AGBL1: variants seen among roughly 807,000 people sequenced by gnomAD.
The protein encoded by AGBL1 is cytosolic carboxypeptidase 4.
AGBL1 carries 130 observed loss-of-function variants against 118.9 expected under a neutral mutation model. The observed-to-expected ratio is 1.09, with a 90% CI of 0.95 to 1.26. The LOEUF (loss-of-function observed/expected upper bound fraction) is 1.26. AGBL1 is among the 50% of genes most tolerant of loss of function. The probability of loss-of-function intolerance (pLI) is 0.00; values close to 1 mark genes in which losing one functional copy is unlikely to be tolerated. For synonymous variants in AGBL1, 555 were observed against 478.9 expected, an observed-to-expected ratio of 1.16 and a Z score of -2.08; for missense variants, 1,584 against 1,298.1, an observed-to-expected ratio of 1.22 and a Z score of -3.38.
intron 1 of AGBL1, among the ~76,000 whole-genome samples, chr15:86,090,293 G>C (rs1463404413): frequency 1.3e-5 from 2 of 151,884 alleles, no homozygotes; most frequent in Non-Finnish European, 2.9e-5. Context: ...TTCTGTAAAG[G>C]TAATACCTGT....
intron 24 of AGBL1, among the ~76,000 whole-genome samples, chr15:87,013,181 T>C (rs879272043): frequency 3.9e-5 from 6 of 152,190 alleles, no homozygotes; most frequent in African/African-American, 7.2e-5. Context: ...TCAACAGTTA[T>C]TTGCTTACTT....
intron 18 of AGBL1, among the ~76,000 whole-genome samples, chr15:86,486,895 C>T (rs755999431): frequency 6.6e-6 from 1 of 151,936 alleles, no homozygotes; most frequent in African/African-American, 2.4e-5. Flanking sequence ...GATGAGTGGC[C>T]GAGTTCCCAG....
intron 23 of AGBL1, among the ~76,000 whole-genome samples, chr15:86,985,261 A>T (rs1001708135): frequency 6.6e-6 from 1 of 152,160 alleles, no homozygotes; most frequent in African/African-American, 2.4e-5. Flanking sequence ...GTATCTGGTA[A>T]TGAAATGTCT....
chr15:86,882,198 G>C (rs570574501), intron 22 of AGBL1, among the ~76,000 whole-genome samples: 6 of 152,260 alleles, frequency 3.9e-5, no homozygotes, highest in African/African-American at 1.4e-4. Context: ...ATGGTTTTTT[G>C]AGAAGAACTT....
intron 17 of AGBL1, among the ~76,000 whole-genome samples, chr15:86,353,557 A>G (rs1340032209): frequency 2.6e-5 from 4 of 152,218 alleles, no homozygotes; most frequent in African/African-American, 9.6e-5. Context: ...ATTTCTTCAC[A>G]TTTAGAAAGA....
At chr15:86,870,475 A>AAAAAC (rs2079708787) in intron 22 of AGBL1, among the ~76,000 whole-genome samples, 1 of 46,380 alleles carries the variant, frequency 2.2e-5, no homozygotes. Flanking sequence ...AAAAAAAAAA[A>AAAAAC]AAAAAAAAAA....
At chr15:86,194,707 A>C (rs1280579259) in intron 5 of AGBL1, among the ~76,000 whole-genome samples, 1 of 152,180 alleles carries the variant, frequency 6.6e-6, no homozygotes, top group Non-Finnish European at 1.5e-5. Flanking sequence ...TTAGTATAAG[A>C]GGGAAGATGG....
chr15:86,675,402 G>A lies in AGBL1; in HGVS notation c.3158+966G>A, dbSNP rs75330572. On this transcript the variant is annotated intron_variant, in intron 22 of 22. Coordinates refer to ENST00000614907, the MANE Select transcript of AGBL1 (RefSeq NM_001386094.1). ...CAGTGAAACCTAGAAAGATCTAGCA[G>A]TATGCCTTAATACTGCTTTGGAAGG... Among the ~76,000 whole-genome samples the A allele has an allele frequency of 0.014, 2,078 of 152,220 alleles. 128 individuals carry two copies. In the East Asian group the frequency reaches 0.18, roughly 13 times the overall value.
chr15:86,996,969 A>G (rs1212085398), intron 24 of AGBL1, among the ~76,000 whole-genome samples: 1 of 152,202 alleles, frequency 6.6e-6, no homozygotes, highest in Non-Finnish European at 1.5e-5. Flanking sequence ...AATATCCATT[A>G]TAAAACTTAT....
chr15:86,392,334 GT>G (rs1196345603), intron 17 of AGBL1, among the ~76,000 whole-genome samples: 2 of 152,068 alleles, frequency 1.3e-5, no homozygotes, highest in Admixed American at 1.3e-4. Context: ...TCCTATGAAT[GT>G]GTGTTTAAGT....
chr15:87,028,360 A>AT (rs1838796344), intron 24 of AGBL1, among the ~76,000 whole-genome samples: 1 of 152,006 alleles, frequency 6.6e-6, no homozygotes, highest in Non-Finnish European at 1.5e-5. Flanking sequence ...ATATAGACTC[A>AT]AACGTGGTTA....
intron 21 of AGBL1, among the ~76,000 whole-genome samples, chr15:86,567,733 C>G (rs557935825): frequency 2.0e-5 from 3 of 152,150 alleles, no homozygotes; most frequent in African/African-American, 4.8e-5. Flanking sequence ...CACCTCAAAC[C>G]TTAGTGTGCA....
intron 1 of AGBL1, among the ~76,000 whole-genome samples, chr15:86,120,033 A>G (rs908198449): frequency 1.3e-5 from 2 of 152,182 alleles, no homozygotes; most frequent in African/African-American, 4.8e-5. Flanking sequence ...CATTCATTCA[A>G]GTACTCATTA....
intron 17 of AGBL1, among the ~76,000 whole-genome samples, chr15:86,369,492 G>A (rs377590995): frequency 3.9e-4 from 59 of 152,196 alleles, no homozygotes; most frequent in Middle Eastern, 3.4e-3. Flanking sequence ...AAGCATGACT[G>A]GAAAGTAGAG....
intron 18 of AGBL1, among the ~76,000 whole-genome samples, chr15:86,479,420 G>A (rs2082615072): frequency 2.0e-5 from 3 of 152,120 alleles, no homozygotes; most frequent in Admixed American, 1.3e-4. Flanking sequence ...GTGGGCAAAG[G>A]ATATGAACAG....
At position 86,692,088 on chromosome 15, in the gene AGBL1, G is replaced by A. The variant is rs138094564; in HGVS notation, c.3158+17652G>A. On this transcript the variant is annotated intron_variant, in intron 22 of 22. Transcript: ENST00000614907. ...AGGGTTGTAAAACTGACCTCCTTTGGAATGGTGTGAACCCGGGAGGCGGAG... is the reference window on the plus strand; with the variant it reads ...AGGGTTGTAAAACTGACCTCCTTTGAAATGGTGTGAACCCGGGAGGCGGAG... 2.0e-3 allele frequency among the ~76,000 whole-genome samples: 298 copies of A among 152,022 alleles called. 4 individuals are homozygous for A. The highest frequency in any genetic ancestry group is 0.014 in the Admixed American group (219 of 15,258).
intron 23 of AGBL1, among the ~76,000 whole-genome samples, chr15:86,951,799 C>T (rs78384537): frequency 2.7e-4 from 41 of 152,216 alleles, no homozygotes; most frequent in African/African-American, 9.6e-4. Flanking sequence ...AGTTTTGCTT[C>T]TTATATATTT....
intron 4 of AGBL1, among the ~76,000 whole-genome samples, chr15:86,156,180 C>A (rs2077187308): frequency 6.6e-6 from 1 of 152,176 alleles, no homozygotes; most frequent in African/African-American, 2.4e-5. Flanking sequence ...CTTGGCCTCC[C>A]AAATTACTGG....
chr15:86,570,597 G>A (rs1014308257), intron 21 of AGBL1, among the ~76,000 whole-genome samples: 2 of 152,162 alleles, frequency 1.3e-5, no homozygotes, highest in Admixed American at 6.5e-5. Context: ...ATGTTAATGA[G>A]CATATAATGA....
Sources: allele counts gnomAD v4.1 joint callset (sites outside exome capture counted in the v4.1 genomes callset), GRCh38; gene constraint gnomAD v4.1.1; transcripts MANE v1.5; gene names NCBI Gene and HGNC (gene_info 2026-07-23, HGNC 2026-07-21).